Variants in C9orf153 observed in about 807,000 individuals in gnomAD.
C9orf153 encodes the protein chromosome 9 open reading frame 153.
Under a neutral mutation model 9.0 loss-of-function variants are expected in C9orf153, and 10 were observed. The ratio of observed to expected loss-of-function variants is 1.11; its 90% CI spans 0.69 to 1.89. The LOEUF is 1.89. C9orf153 is among the 40% of genes most tolerant of loss of function. The pLI is 0.00. For synonymous variants in C9orf153, 35 were observed against 37.3 expected, an observed-to-expected ratio of 0.94 and a Z score of 0.23; for missense variants, 108 against 111.0, an observed-to-expected ratio of 0.97 and a Z score of 0.12.
At chr9:86,253,473 G>C (rs2131207763) in intron 1 of C9orf153, among the ~76,000 whole-genome samples, 1 of 152,312 alleles carries the variant, frequency 6.6e-6, no homozygotes, top group African/African-American at 2.4e-5. Flanking sequence ...TCATTGGCTA[G>C]GGTTCCTAGT....
At position 86,225,456 on chromosome 9, in the gene C9orf153, CTCTT is replaced by C. The variant is rs1184222720; in HGVS notation, c.242+2395_242+2398del. Among the ~76,000 whole-genome samples the C allele has an allele frequency of 8.4e-4, 115 of 136,896 alleles. 1 individual carries two copies. The highest frequency in any genetic ancestry group is 2.8e-3 in the African/African-American group (100 of 36,274). 89.8% of individuals were successfully genotyped at this position (136,896 alleles called of 152,430 possible). A position where few individuals can be genotyped will look rare whatever the true frequency, so the allele number is the denominator to read the frequency against. On this transcript the variant is annotated intron_variant, in intron 3 of 3. Coordinates refer to ENST00000339137, the MANE Select transcript of C9orf153 (RefSeq NM_001276366.4). Reference sequence around the variant, plus strand: ...TTCCTTCCTTCCTTCCTCTCTTTCTCTCTTTCTTTCTTTCTTTTTTGAGACGGAG... The same window carrying C: ...TTCCTTCCTTCCTTCCTCTCTTTCTCTCTTTCTTTCTTTTTTGAGACGGAG...
chr9:86,237,404 C>A (rs1564000374), intron 1 of C9orf153, among the ~76,000 whole-genome samples: 1 of 152,016 alleles, frequency 6.6e-6, no homozygotes, highest in Non-Finnish European at 1.5e-5. Context: ...TCAGAGTGGA[C>A]CAAAAAGAAG....
chr9:86,246,249 T>C (rs1269555261), intron 1 of C9orf153, among the ~76,000 whole-genome samples: 1 of 152,196 alleles, frequency 6.6e-6, no homozygotes, highest in African/African-American at 2.4e-5. Context: ...GAAAGATGTT[T>C]TCAGGTTCTC....
At chr9:86,253,812 C>T (rs1246428489) in intron 1 of C9orf153, among the ~76,000 whole-genome samples, 1 of 152,200 alleles carries the variant, frequency 6.6e-6, no homozygotes, top group Non-Finnish European at 1.5e-5. Flanking sequence ...TACAATTTGG[C>T]TGGGCGTGGT....
At chr9:86,235,058 G>A (rs1824551144) in intron 1 of C9orf153, among the ~76,000 whole-genome samples, 1 of 152,124 alleles carries the variant, frequency 6.6e-6, no homozygotes, top group Non-Finnish European at 1.5e-5. Context: ...GAAGCTCCTC[G>A]AGAACAGGGC....
intron 1 of C9orf153, among the ~76,000 whole-genome samples, chr9:86,249,050 G>A (rs570884071): frequency 6.6e-6 from 1 of 152,220 alleles, no homozygotes; most frequent in Non-Finnish European, 1.5e-5. Context: ...TGGTGTCGAA[G>A]TTTGGTCCAG....
Position 86,229,524 on chromosome 9 carries a change from T to C in C9orf153, c.66+14A>G, listed in dbSNP as rs931779045. 5.7e-6 allele frequency: 9 copies of C among 1,579,222 alleles called. No homozygotes were observed. Among genetic ancestry groups the C allele is most frequent in the South Asian group, 2.2e-5 (2 of 90,102 alleles). ...TCCCTGTGTACACCTCGTTGTACAA[T>C]GTTAAGTACATACTGAACATTGAGG... On this transcript the variant is annotated intron_variant, in intron 2 of 3. Transcript: ENST00000339137.
At chr9:86,232,460 G>A (rs1023584197) in intron 1 of C9orf153, among the ~76,000 whole-genome samples, 48 of 152,290 alleles carry the variant, frequency 3.2e-4, no homozygotes, top group African/African-American at 1.1e-3. Context: ...ACAGATTTGT[G>A]TGAGTAAAGT....
intron 1 of C9orf153, among the ~76,000 whole-genome samples, chr9:86,240,552 A>G (rs1218395572): frequency 6.6e-6 from 1 of 151,380 alleles, no homozygotes; most frequent in Non-Finnish European, 1.5e-5. Flanking sequence ...TAATGTTTGT[A>G]TTTTTAGGAG....
At chr9:86,259,414 AC>A (rs1345715588) in intron 1 of C9orf153, 135 bp downstream of exon 1, 2 of 151,062 alleles carry the variant, frequency 1.3e-5, no homozygotes, top group East Asian at 3.9e-4. Flanking sequence ...ATCCCATCTC[AC>A]CTCCCAGCTC....
In C9orf153 at chr9:86,227,925, C is replaced by A. The variant is rs1431069646; in HGVS notation, c.172G>T (p.Ala58Ser). Residue 58 changes from alanine (A) to serine (S), a missense_variant, in exon 3 of 4, where the codon GCT (alanine) becomes TCT (serine). By Grantham distance (99) the Ala-to-Ser change is moderately conservative. Coordinates refer to ENST00000339137, the MANE Select transcript of C9orf153 (RefSeq NM_001276366.4). ...AATGACATGACATTCAGGTTTCTAG[C>A]AAGTACTTCCTGTGCTTCGTTAAGT... ...ISLNEAQEVL[A>S]RNLNVMSFTR... 1.2e-6 allele frequency: 2 copies of A among 1,613,876 alleles called. No individual in the cohort carries two copies. Among genetic ancestry groups the A allele is most frequent in the South Asian group, 1.1e-5 (1 of 91,044 alleles).
chr9:86,233,650 C>T (rs1056431105), intron 1 of C9orf153, among the ~76,000 whole-genome samples: 2 of 152,002 alleles, frequency 1.3e-5, no homozygotes, highest in Non-Finnish European at 2.9e-5. Flanking sequence ...CTCCTGACCT[C>T]AGGTGATCCA....
Position 86,220,694 on chromosome 9 carries a change from CT to C in C9orf153, c.*993del. 1 of 152,136 alleles carries C rather than the reference CT, an allele frequency of 6.6e-6. No homozygotes were observed. Among genetic ancestry groups the C allele is most frequent in the East Asian group, 1.9e-4 (1 of 5,188 alleles). The allele number at this position is 152,136 out of a possible 1,614,324, so 9.4% of individuals were successfully genotyped here. On this transcript the variant is annotated 3_prime_UTR_variant, in exon 4 of 4. Transcript: ENST00000339137. ...CTGGGTATAGATTTATTTTCAATAT[CT>C]TGCTAATCAGTCTGAGATTTTTCAG...
chr9:86,239,575 C>T (rs1452190366), intron 1 of C9orf153, among the ~76,000 whole-genome samples: 1 of 152,144 alleles, frequency 6.6e-6, no homozygotes, highest in African/African-American at 2.4e-5. Context: ...GCCTGGATGG[C>T]TGGACTGGGG....
At chr9:86,233,558 AG>A (rs1824515461) in intron 1 of C9orf153, among the ~76,000 whole-genome samples, 2 of 152,050 alleles carry the variant, frequency 1.3e-5, no homozygotes, top group Non-Finnish European at 2.9e-5. Flanking sequence ...CTGGGATTAC[AG>A]GGATGTGCCA....
At chr9:86,256,180 T>C (rs768457966) in intron 1 of C9orf153, among the ~76,000 whole-genome samples, 10 of 152,240 alleles carry the variant, frequency 6.6e-5, no homozygotes, top group Admixed American at 1.3e-4. Flanking sequence ...TGTAAGATCA[T>C]CATACCTGCA....
chr9:86,255,382 G>A (rs934603486), intron 1 of C9orf153, among the ~76,000 whole-genome samples: 2 of 152,224 alleles, frequency 1.3e-5, no homozygotes, highest in Non-Finnish European at 2.9e-5. Context: ...TTCGTGGGGA[G>A]ATTTGCATCG....
At chr9:86,225,411 CTCCTTCCTTCCT>C (rs72315837) in intron 3 of C9orf153, among the ~76,000 whole-genome samples, 14,160 of 132,062 alleles carry the variant, frequency 0.11, 1,130 homozygotes, top group African/African-American at 0.25. Context: ...CTCTCTCTCT[CTCCTTCCTTCCT>C]TCCTTCCTTC....
At position 86,221,136 on chromosome 9, in the gene C9orf153, G is replaced by A. The variant is rs1437113222; in HGVS notation, c.*552C>T. On this transcript the variant is annotated 3_prime_UTR_variant, in exon 4 of 4. Transcript: ENST00000339137. ...CATATTGATCTCTATATGCTCAGAT[G>A]TTAATTTGTTTGTTGAATGTACCAA... is the stretch of plus-strand genomic sequence containing the variant. The A allele has an allele frequency of 6.6e-6, 1 of 152,178 alleles. No homozygotes were observed. The highest frequency in any genetic ancestry group is 1.5e-5 in the Non-Finnish European group (1 of 68,078). 9.4% of individuals were successfully genotyped at this position (152,178 alleles called of 1,614,324 possible).
Sources: gnomAD v4.1 joint callset for allele counts (sites outside exome capture counted in the v4.1 genomes callset) on GRCh38, gnomAD v4.1.1 for gene constraint, MANE v1.5 for transcripts, NCBI Gene and HGNC (gene_info 2026-07-23, HGNC 2026-07-21) for gene names.